GPALPP1: variants seen among roughly 807,000 people sequenced by gnomAD.
The protein encoded by GPALPP1 is GPALPP motifs containing 1.
GPALPP1 carries 30 observed loss-of-function variants against 38.9 expected under a neutral mutation model. The ratio of observed to expected loss-of-function variants is 0.77; its 90% confidence interval spans 0.58 to 1.05. GPALPP1 has a LOEUF of 1.05. GPALPP1 is among the 50% of genes least tolerant of loss of function. The pLI, the probability that GPALPP1 is intolerant of heterozygous loss-of-function variation, is 0.00. For synonymous variants in GPALPP1, 120 were observed against 139.2 expected (o/e 0.86, Z 0.97); for missense variants, 384 against 408.8 (o/e 0.94, Z 0.52).
rs1250758449 is a variant in GPALPP1, at chr13:45,029,722, G to T, written c.*1719G>T. ...AATACAAATTTACTTGAAAATAGAG[G>T]GTATGGGGTTTTGCCTGTTTTGTAA... On this transcript the variant is annotated 3_prime_UTR_variant, in exon 8 of 8. Coordinates refer to ENST00000379151, the MANE Select transcript of GPALPP1 (RefSeq NM_018559.5). The T allele has an allele frequency of 2.6e-5, 4 of 152,064 alleles. No individual in the cohort carries two copies. The highest frequency in any genetic ancestry group is 9.7e-5 in the African/African-American group (4 of 41,392). The allele number at this position is 152,064 out of a possible 1,614,324, so 9.4% of individuals were successfully genotyped here.
intron 7 of GPALPP1, among the ~76,000 whole-genome samples, chr13:45,023,003 T>C (rs906793447): frequency 1.1e-4 from 17 of 152,200 alleles, no homozygotes; most frequent in Admixed American, 1.0e-3. Context: ...ACCACACCAC[T>C]GCACTCCAGT....
At chr13:45,037,258 T>A (rs9567519) in exon 8 of GPALPP1, 2 of 152,338 alleles carry the variant, frequency 1.3e-5, no homozygotes, top group East Asian at 3.9e-4. Context: ...AATAAACTTG[T>A]TCCTTTTTTA....
At chr13:44,997,919 C>T (rs1032654283) in intron 1 of GPALPP1, among the ~76,000 whole-genome samples, 1 of 152,174 alleles carries the variant, frequency 6.6e-6, no homozygotes. Context: ...AGAAACCTCA[C>T]GCCTCCACAA....
Position 45,028,091 on chromosome 13 carries a change from T to C in GPALPP1, c.*88T>C, listed in dbSNP as rs1337751146. ...ATTGTCTTTAATAATTGTGCTGAAA[T>C]CTATTTCCTTTTATAATAGATTAAA... is the stretch of plus-strand genomic sequence containing the variant. On this transcript the variant is annotated 3_prime_UTR_variant, in exon 8 of 8. Coordinates refer to ENST00000379151, the MANE Select transcript of GPALPP1 (RefSeq NM_018559.5). 4 of 660,108 alleles carry C rather than the reference T, an allele frequency of 6.1e-6. No homozygotes were observed. The highest frequency in any genetic ancestry group is 2.7e-5 in the Admixed American group (1 of 37,186). 40.9% of individuals were successfully genotyped at this position (660,108 alleles called of 1,614,324 possible).
intron 7 of GPALPP1, among the ~76,000 whole-genome samples, chr13:45,025,773 A>AT (rs60384935): frequency 4.5e-3 from 632 of 140,012 alleles, no homozygotes; most frequent in African/African-American, 9.3e-3. Flanking sequence ...TTGATTATCT[A>AT]TTTTTTTTTT....
At chr13:45,005,135 G>T (rs955602641) in intron 2 of GPALPP1, 4 of 98,806 alleles carry the variant, frequency 4.0e-5, no homozygotes, top group Admixed American at 1.7e-4. Context: ...GTCTCACTCT[G>T]TAGCCCAGAC....
intron 1 of GPALPP1, among the ~76,000 whole-genome samples, chr13:44,994,981 G>A (rs1325408137): frequency 6.6e-6 from 1 of 151,930 alleles, no homozygotes; most frequent in East Asian, 1.9e-4. Context: ...AGCCTCCTAA[G>A]TAGCTGGGAT....
chr13:45,005,086 C>CTTTTTTTTTTTTTTTTT (rs71759613), intron 2 of GPALPP1: 1 of 57,530 alleles, frequency 1.7e-5, no homozygotes, highest in Non-Finnish European at 3.2e-5. Flanking sequence ...TAATGGTTTT[C>CTTTTTTTTTTTTTTTTT]TTTTTTTTTT....
At chr13:45,024,880 C>T (rs902437103) in intron 7 of GPALPP1, among the ~76,000 whole-genome samples, 1 of 152,046 alleles carries the variant, frequency 6.6e-6, no homozygotes, top group African/African-American at 2.4e-5. Flanking sequence ...GAGACCCCGC[C>T]ATTGCCCTCC....
chr13:45,029,917 C>T lies in GPALPP1; in HGVS notation c.*1914C>T, dbSNP rs1306374782. Reference sequence around the variant, plus strand: ...GGGGAGGCAATCAAGATAAGATATGCCATTAACTGTTAGCATTGTGAAATC... The same window carrying T: ...GGGGAGGCAATCAAGATAAGATATGTCATTAACTGTTAGCATTGTGAAATC... On this transcript the variant is annotated 3_prime_UTR_variant, in exon 8 of 8. Coordinates refer to ENST00000379151, the MANE Select transcript of GPALPP1 (RefSeq NM_018559.5). 1.3e-5 allele frequency: 2 copies of T among 152,108 alleles called. No individual in the cohort carries two copies. The highest frequency in any genetic ancestry group is 3.8e-4 in the East Asian group (2 of 5,198). The allele number at this position is 152,108 out of a possible 1,614,324, so 9.4% of individuals were successfully genotyped here. A position where few individuals can be genotyped will look rare whatever the true frequency, so the allele number is the denominator to read the frequency against.
intron 1 of GPALPP1, among the ~76,000 whole-genome samples, chr13:45,003,489 T>C (rs2137966741): frequency 6.6e-6 from 1 of 152,316 alleles, no homozygotes; most frequent in South Asian, 2.1e-4. Flanking sequence ...CCATGAATCT[T>C]TTAAAAATAC....
chr13:45,015,605 TTTTG>T lies in GPALPP1; in HGVS notation c.705+20_705+23del, dbSNP rs772582491. 2 of 1,449,492 alleles carry T rather than the reference TTTTG, an allele frequency of 1.4e-6. No homozygotes were observed. Among genetic ancestry groups the T allele is most frequent in the Non-Finnish European group, 1.8e-6 (2 of 1,094,280 alleles). The allele number at this position is 1,449,492 out of a possible 1,614,324, so 89.8% of individuals were successfully genotyped here. A position where few individuals can be genotyped will look rare whatever the true frequency, so the allele number is the denominator to read the frequency against. ...GGGAAAGGAAAGCTAAGGTGAGAGG[TTTTG>T]TTTGTTTGTTCATGTATTTCTGTTC... On this transcript the variant is annotated intron_variant, in intron 6 of 7. Coordinates refer to ENST00000379151, the MANE Select transcript of GPALPP1 (RefSeq NM_018559.5).
intron 5 of GPALPP1, 41 bp downstream of exon 5, chr13:45,015,124 T>G: frequency 1.6e-6 from 2 of 1,268,930 alleles, no homozygotes; most frequent in Non-Finnish European, 2.2e-6. Flanking sequence ...CTAAATAGAT[T>G]AAAAATCTAA....
intron 2 of GPALPP1, among the ~76,000 whole-genome samples, chr13:45,005,895 G>A (rs564422183): frequency 5.1e-4 from 78 of 152,064 alleles, no homozygotes; most frequent in Non-Finnish European, 8.7e-4. Flanking sequence ...GCGTGGTGGC[G>A]CTTCCCTGTA....
At chr13:45,026,049 C>T (rs1193162903) in intron 7 of GPALPP1, among the ~76,000 whole-genome samples, 2 of 152,114 alleles carry the variant, frequency 1.3e-5, no homozygotes, top group South Asian at 2.1e-4. Flanking sequence ...GGATTACAGG[C>T]GTGAGCCACT....
rs1196554675 is a variant in GPALPP1, at chr13:45,009,115, A to G, written c.408+236A>G. The G allele has an allele frequency of 5.2e-6, 3 of 577,828 alleles. No individual in the cohort carries two copies. The Admixed American group carries it at 7.2e-5, about 14-fold the overall frequency. 35.8% of individuals were successfully genotyped at this position (577,828 alleles called of 1,614,324 possible). On this transcript the variant is annotated intron_variant, in intron 4 of 7. Coordinates refer to ENST00000379151, the MANE Select transcript of GPALPP1 (RefSeq NM_018559.5). ...AAAATAACAGGATTGACGGGGTGTTACCTATTCATACTTCTTATCTTTGAA... is the reference window on the plus strand; with the variant it reads ...AAAATAACAGGATTGACGGGGTGTTGCCTATTCATACTTCTTATCTTTGAA...
intron 7 of GPALPP1, among the ~76,000 whole-genome samples, chr13:45,023,957 AG>A (rs1875595181): frequency 6.6e-6 from 1 of 152,182 alleles, no homozygotes; most frequent in Non-Finnish European, 1.5e-5. Context: ...ATGATCCACA[AG>A]TAGGTTCCAC....
intron 1 of GPALPP1, among the ~76,000 whole-genome samples, chr13:44,998,982 T>A (rs61947796): frequency 0.054 from 8,147 of 152,220 alleles, 290 homozygotes; most frequent in South Asian, 0.075. Context: ...ACAACTGTAC[T>A]TTTGACTGTA....
chr13:45,006,767 C>T (rs1874131119), intron 3 of GPALPP1, among the ~76,000 whole-genome samples: 1 of 152,090 alleles, frequency 6.6e-6, no homozygotes, highest in Non-Finnish European at 1.5e-5. Context: ...GCTAGGATAA[C>T]AGCATGTACT....
Sources: allele counts gnomAD v4.1 joint callset (sites outside exome capture counted in the v4.1 genomes callset), GRCh38; gene constraint gnomAD v4.1.1; transcripts MANE v1.5; gene names NCBI Gene and HGNC (gene_info 2026-07-23, HGNC 2026-07-21).